CORO7: variants seen among roughly 807,000 people sequenced by gnomAD.
CORO7 encodes coronin 7.
Under a neutral mutation model 126.6 loss-of-function variants are expected in CORO7, and 107 were observed. The ratio of observed to expected loss-of-function variants is 0.85; its 90% CI spans 0.72 to 0.99. CORO7 has a LOEUF of 0.99. Among genes scored for constraint, CORO7 ranks in the 50% least tolerant of loss-of-function variants. The pLI is 0.00. For synonymous variants in CORO7, 603 were observed against 536.8 expected, an observed-to-expected ratio of 1.12 and a Z score of -1.70; for missense variants, 1,314 against 1,255.8, an observed-to-expected ratio of 1.05 and a Z score of -0.70.
At position 4,359,378 on chromosome 16, in the gene CORO7, G is replaced by A. The variant is rs2054085641; in HGVS notation, c.2258C>T (p.Thr753Ile). 3 of 1,613,616 alleles carry A rather than the reference G, an allele frequency of 1.9e-6. No individual in the cohort carries two copies. Among genetic ancestry groups the A allele is most frequent in the Non-Finnish European group, 8.5e-7 (1 of 1,179,968 alleles). Residue 753 changes from threonine (T) to isoleucine (I), a missense_variant, in exon 23 of 28, where the codon ACC becomes ATC. Transcript: ENST00000251166. ...GAGCAGCTCGTACAGGAATACACGG[G>A]TGTCGCCCTGCGGGGAAGAAGGCAG... is the stretch of plus-strand genomic sequence containing the variant. ...GLVLLTGKGD[T>I]RVFLYELLPE...
chr16:4,385,945 C>T (rs186644757), intron 9 of CORO7, among the ~76,000 whole-genome samples: 3 of 152,350 alleles, frequency 2.0e-5, no homozygotes, highest in South Asian at 2.1e-4. Flanking sequence ...CCCCATTAGC[C>T]GTGCCCACAG....
rs766047031 is a variant in CORO7, at chr16:4,416,567, G to A, written c.-49C>T. 1.9e-5 allele frequency: 30 copies of A among 1,566,720 alleles called. No individual in the cohort carries two copies. The South Asian group carries it at 3.1e-4, about 16-fold the overall frequency. On this transcript the variant is annotated 5_prime_UTR_variant, in exon 1 of 28. Transcript: ENST00000251166. The stretch of plus-strand genomic sequence containing the variant: ...CGTCTTCGAGGACCCCGGGCGTCGG[G>A]TCTCAGGTGCACGCTGAGCAACCGC...
chr16:4,404,908 A>G (rs1431055858), intron 6 of CORO7, among the ~76,000 whole-genome samples: 2 of 151,502 alleles, frequency 1.3e-5, no homozygotes, highest in Non-Finnish European at 2.9e-5. Flanking sequence ...GGCCTTTAAC[A>G]CTTCATTGCC....
intron 26 of CORO7, among the ~76,000 whole-genome samples, chr16:4,355,770 T>TTTTG (rs893525069): frequency 5.4e-5 from 8 of 149,270 alleles, no homozygotes; most frequent in Non-Finnish European, 7.4e-5. Flanking sequence ...CGCCCGGCCT[T>TTTTG]TTTGTTTGTT....
At chr16:4,383,112 A>G (rs957016383) in intron 9 of CORO7, 3 of 568,844 alleles carry the variant, frequency 5.3e-6, no homozygotes, top group Non-Finnish European at 9.1e-6. Context: ...ACGTCCCCAG[A>G]ACCGAGTGCC....
At position 4,416,543 on chromosome 16, in the gene CORO7, G is replaced by T. The variant is rs945960777; in HGVS notation, c.-25C>A. 1.8e-5 allele frequency: 28 copies of T among 1,570,312 alleles called. 1 individual carries two copies. The highest frequency in any genetic ancestry group is 2.4e-5 in the Non-Finnish European group (28 of 1,162,020). ...TGGCGACGGGCACGGCGGCGGACGC[G>T]TCTTCGAGGACCCCGGGCGTCGGGT... On this transcript the variant is annotated 5_prime_UTR_variant, in exon 1 of 28. Coordinates refer to ENST00000251166, the MANE Select transcript of CORO7 (RefSeq NM_024535.5).
chr16:4,383,046 C>T, intron 9 of CORO7: 1 of 884,158 alleles, frequency 1.1e-6, no homozygotes, highest in Non-Finnish European at 1.7e-6. Flanking sequence ...GCCCTGTTCC[C>T]TCTGGACCTC....
chr16:4,362,058 T>A lies in CORO7; in HGVS notation c.1505A>T (p.Asp502Val). The change falls in exon 16 of 28, where the codon GAC becomes GTC. Residue 502 changes from aspartate (D) to valine (V), a missense_variant. By Grantham distance (152) the Asp-to-Val change is radical. Transcript: ENST00000251166. The surrounding 1 kb of genome is among the most constrained non-coding windows in gnomAD (Gnocchi z 5.3). ...GLNLTTPGES[D>V]GFCANKLRVA... ...ACGCAGCTTGTTGGCACAGAAGCCG[T>A]CACTCTCACCAGGTGTGGTGAGGTT... 1.9e-6 allele frequency: 3 copies of A among 1,612,748 alleles called. No individual in the cohort carries two copies. The highest frequency in any genetic ancestry group is 2.5e-6 in the Non-Finnish European group (3 of 1,179,928).
At chr16:4,364,726 GC>G in intron 12 of CORO7, 37 bp from the exon 13 acceptor site, 1 of 1,587,844 alleles carries the variant, frequency 6.3e-7, no homozygotes, top group Non-Finnish European at 8.6e-7. Context: ...TGAGGCCCAG[GC>G]CCCCCGACTC....
At chr16:4,355,671 G>A (rs534633973) in intron 26 of CORO7, 13 of 331,134 alleles carry the variant, frequency 3.9e-5, no homozygotes, top group South Asian at 8.3e-5. Flanking sequence ...GGGTTTCACC[G>A]TGTTAGCCAG....
rs1447292010 is a variant in CORO7, at chr16:4,407,661, C to T, written c.327G>A (p.Gly109=). 2.5e-6 allele frequency: 4 copies of T among 1,597,688 alleles called. No individual in the cohort carries two copies. Among genetic ancestry groups the T allele is most frequent in the Non-Finnish European group, 2.6e-6 (3 of 1,173,886 alleles). ...GTGCTGAGGGCAGGGCCTGGCCAGGCCCTGGCAGTCGCCAGAGTTTTACCT... is the reference window on the plus strand; with the variant it reads ...GTGCTGAGGGCAGGGCCTGGCCAGGTCCTGGCAGTCGCCAGAGTTTTACCT... ...DRTVKLWRLP[G]PGQALPSAPG... The change falls in exon 5 of 28, where the codon GGG becomes GGA. Residue 109 remains glycine, a synonymous_variant. Coordinates refer to ENST00000251166, the MANE Select transcript of CORO7 (RefSeq NM_024535.5).
At position 4,360,434 on chromosome 16, in the gene CORO7, G is replaced by C. The variant is rs371240415; in HGVS notation, c.2022+10C>G. ...GGTCTGAGGCCACTCCCCAGCCCCT[G>C]TGTGCTCACCTGCAGGGGCTCAGGG... On this transcript the variant is annotated intron_variant, in intron 20 of 27. Transcript: ENST00000251166. 8.7e-5 allele frequency: 141 copies of C among 1,612,806 alleles called. No homozygotes were observed. The African/African-American group carries it at 1.7e-3, about 19-fold the overall frequency.
intron 5 of CORO7, among the ~76,000 whole-genome samples, chr16:4,406,704 C>T (rs1739304298): frequency 6.6e-6 from 1 of 151,840 alleles, no homozygotes; most frequent in Non-Finnish European, 1.5e-5. Context: ...TCTCTTCGCT[C>T]TCCATAGCCA....
chr16:4,365,383 C>A, intron 10 of CORO7, 108 bp downstream of exon 10: 4 of 1,476,908 alleles, frequency 2.7e-6, no homozygotes, highest in Non-Finnish European at 3.7e-6. Context: ...CTTGGCTGCA[C>A]AGGGGAAGAC....
rs1206463255 is a variant in CORO7, at chr16:4,362,764, G to A, written c.1276-26C>T. 9 of 1,355,724 alleles carry A rather than the reference G, an allele frequency of 6.6e-6. No individual in the cohort carries two copies. The highest frequency in any genetic ancestry group is 8.6e-6 in the Non-Finnish European group (9 of 1,049,944). 84.0% of individuals were successfully genotyped at this position (1,355,724 alleles called of 1,614,324 possible). The stretch of plus-strand genomic sequence containing the variant: ...CTGGGGAGGGGCATGGGGTCAGCCA[G>A]CCTGCTCCTAGGTGTACTGGCCAAA... On this transcript the variant is annotated intron_variant, in intron 14 of 27. Transcript: ENST00000251166. This position sits in a 1 kb window ranked among gnomAD's most constrained non-coding sequence, Gnocchi z 5.3.
rs145152598 is a variant in CORO7 at position 4,398,780 on chromosome 16, C to T, written c.565-3441G>A. Among the ~76,000 whole-genome samples the T allele has an allele frequency of 4.1e-3, 616 of 152,088 alleles. 3 individuals are homozygous for T. Among genetic ancestry groups the T allele is most frequent in the Middle Eastern group, 0.01 (3 of 294 alleles). The stretch of plus-strand genomic sequence containing the variant: ...GTCAGGAGTTCAAGACCAGTGTGGC[C>T]AACATAGTGAAACTCCGTCTCTACT... On this transcript the variant is annotated intron_variant, in intron 6 of 27. Transcript: ENST00000251166.
chr16:4,381,936 C>T, intron 9 of CORO7: 1 of 1,607,484 alleles, frequency 6.2e-7, no homozygotes, highest in Non-Finnish European at 8.5e-7. Context: ...CAGCCACCAC[C>T]ACCACAGCCA....
At chr16:4,414,318 G>A (rs2056328853) in intron 1 of CORO7, 1 of 152,206 alleles carries the variant, frequency 6.6e-6, no homozygotes, top group Non-Finnish European at 1.5e-5. Flanking sequence ...TTTCCACAAA[G>A]TCTCATAAGT....
intron 21 of CORO7, 47 bp downstream of exon 21, chr16:4,360,231 C>T (rs375984233): frequency 1.7e-4 from 272 of 1,611,064 alleles, no homozygotes; most frequent in Non-Finnish European, 2.2e-4. Context: ...AGAAGGGGGA[C>T]ACAGGTGGCT....
Sources: gnomAD v4.1 joint callset for allele counts (sites outside exome capture counted in the v4.1 genomes callset) on GRCh38, gnomAD v4.1.1 for gene constraint, Gnocchi (gnomAD v3.1) non-coding constraint, MANE v1.5 for transcripts, NCBI Gene and HGNC (gene_info 2026-07-23, HGNC 2026-07-21) for gene names.